ITLN1: variants seen among roughly 807,000 people sequenced by gnomAD.
The protein encoded by ITLN1 is intelectin-1.
A neutral mutation model predicts 36.2 loss-of-function variants in ITLN1; 29 were observed. That is an observed-to-expected ratio of 0.80 (90% CI 0.60 to 1.09). ITLN1 has a LOEUF of 1.09. ITLN1 is among the 50% of genes least tolerant of loss of function. The probability of loss-of-function intolerance (pLI) is 0.00; values close to 1 mark genes in which losing one functional copy is unlikely to be tolerated. For synonymous variants in ITLN1, 143 were observed against 146.5 expected, an observed-to-expected ratio of 0.98 and a Z score of 0.17; for missense variants, 358 against 405.2, an observed-to-expected ratio of 0.88 and a Z score of 1.00.
At position 160,880,587 on chromosome 1, in the gene ITLN1, C is replaced by T. The variant is rs138207380; in HGVS notation, c.685+1G>A. On this transcript the variant is annotated splice_donor_variant, in intron 6 of 7. Transcript: ENST00000326245. LOFTEE classifies it high-confidence loss of function. ...AGTTCAGAGGATCATTAAAGACTCA[C>T]GCTGGCCATAGGGTGAGTAATAAGA... The T allele has an allele frequency of 5.3e-5, 85 of 1,613,874 alleles. No homozygotes were observed. In the African/African-American group the frequency reaches 1.0e-3, roughly 19 times the overall value.
At chr1:160,881,444 A>C (rs973844993) in intron 4 of ITLN1, 132 bp from the exon 5 acceptor site, 4 of 998,990 alleles carry the variant, frequency 4.0e-6, no homozygotes, top group South Asian at 2.2e-5. Flanking sequence ...ATACTCAGAC[A>C]CCCCACTCCC....
chr1:160,881,644 A>C (rs1196115105), intron 4 of ITLN1: 1 of 512,406 alleles, frequency 2.0e-6, no homozygotes, highest in East Asian at 3.6e-5. Flanking sequence ...CCCCATCTCT[A>C]CTAAAAGTAC....
chr1:160,880,459 A>C, intron 6 of ITLN1, 129 bp downstream of exon 6: 1 of 894,696 alleles, frequency 1.1e-6, no homozygotes, highest in Non-Finnish European at 1.7e-6. Flanking sequence ...AGCCATGCAA[A>C]TCAAGTGGGG....
At chr1:160,879,505 A>G (rs941444986) in intron 6 of ITLN1, 91 bp from the exon 7 acceptor site, 2 of 947,136 alleles carry the variant, frequency 2.1e-6, no homozygotes, top group African/African-American at 3.2e-5. Context: ...GCCAAAGCTC[A>G]GGCTACAGCC....
In ITLN1 at chr1:160,879,176, G is replaced by C. The variant is rs1249217153; in HGVS notation, c.789+135C>G. 5.6e-6 allele frequency: 4 copies of C among 712,006 alleles called. No individual in the cohort carries two copies. In the African/African-American group the frequency reaches 7.0e-5, roughly 12 times the overall value. 44.1% of individuals were successfully genotyped at this position (712,006 alleles called of 1,614,324 possible). A position where few individuals can be genotyped will look rare whatever the true frequency, so the allele number is the denominator to read the frequency against. On this transcript the variant is annotated intron_variant, in intron 7 of 7. Coordinates refer to ENST00000326245, the MANE Select transcript of ITLN1 (RefSeq NM_017625.3). ...CCTGGCCCCTGAAGCTCAGCAATGAGCAAGAGAAGGTCACACTCCCACACA... is the reference window on the plus strand; with the variant it reads ...CCTGGCCCCTGAAGCTCAGCAATGACCAAGAGAAGGTCACACTCCCACACA...
chr1:160,876,927 G>A, intron 7 of ITLN1, 111 bp from the exon 8 acceptor site: 1 of 1,088,692 alleles, frequency 9.2e-7, no homozygotes, highest in East Asian at 2.4e-5. Context: ...ACTCTCCATT[G>A]ACAGTGTTGA....
At position 160,881,297 on chromosome 1, in the gene ITLN1, C is replaced by T. The variant is rs778173843; in HGVS notation, c.421G>A (p.Asp141Asn). 17 of 1,599,086 alleles carry T rather than the reference C, an allele frequency of 1.1e-5. No homozygotes were observed. In the Admixed American group the frequency reaches 1.5e-4, roughly 15 times the overall value. The change falls in exon 5 of 8, where the codon GAC (aspartate) becomes AAC (asparagine). Residue 141 changes from aspartate to asparagine, a missense_variant. Asp to Asn is a conservative substitution (Grantham distance 23, BLOSUM62 1). Transcript: ENST00000326245. ...SDDYKNPGYY[D>N]IQAKDLGIWH... ...ATGCCCAGGTCCTTGGCCTGGATGTCGTAGTAGCCAGGGTTCTGGAAAGCA... is the reference window on the plus strand; with the variant it reads ...ATGCCCAGGTCCTTGGCCTGGATGTTGTAGTAGCCAGGGTTCTGGAAAGCA...
At chr1:160,879,215 C>A in intron 7 of ITLN1, 96 bp downstream of exon 7, 2 of 881,520 alleles carry the variant, frequency 2.3e-6, no homozygotes, top group Non-Finnish European at 1.9e-6. Flanking sequence ...ACACACACAC[C>A]CCAGTCATAC....
chr1:160,884,842 C>T lies in ITLN1; in HGVS notation c.36G>A (p.Ala12=). ...CACCTGTACTCCATCCTCTGGTGGTCGCTATGAGAAACAGCAGGAAGCTGA... is the reference window on the plus strand; with the variant it reads ...CACCTGTACTCCATCCTCTGGTGGTTGCTATGAGAAACAGCAGGAAGCTGA... The part of the protein sequence containing the change: ...NQLSFLLFLI[A]TTRGWSTDEA... Residue 12 remains alanine (A), a synonymous_variant, in exon 2 of 8, where the codon GCG becomes GCA. Coordinates refer to ENST00000326245, the MANE Select transcript of ITLN1 (RefSeq NM_017625.3). The T allele has an allele frequency of 1.2e-6, 2 of 1,612,916 alleles. No individual in the cohort carries two copies. The highest frequency in any genetic ancestry group is 2.2e-5 in the East Asian group (1 of 44,878).
Position 160,882,104 on chromosome 1 carries a change from G to C in ITLN1, c.258C>G (p.His86Gln). ...GGGWTLVASV[H>Q]ENDMRGKCTV... ...TGCACTTCCCACGCATGTCATTCTC[G>C]TGCACGCTGGCCACCAGGGTCCAGC... Residue 86 changes from histidine (H) to glutamine (Q), a missense_variant, in exon 4 of 8, where the codon CAC (histidine) becomes CAG (glutamine). Transcript: ENST00000326245. 1.9e-5 allele frequency: 31 copies of C among 1,613,838 alleles called. No individual in the cohort carries two copies. The highest frequency in any genetic ancestry group is 2.5e-5 in the Non-Finnish European group (29 of 1,179,954).
chr1:160,879,226 C>T, intron 7 of ITLN1, 85 bp downstream of exon 7: 1 of 948,702 alleles, frequency 1.1e-6, no homozygotes, highest in Non-Finnish European at 1.7e-6. Flanking sequence ...CCAGTCATAC[C>T]ACACTCAACA....
At chr1:160,876,957 CCT>C in intron 7 of ITLN1, 141 bp from the exon 8 acceptor site, 2 of 888,574 alleles carry the variant, frequency 2.3e-6, no homozygotes, top group South Asian at 3.6e-5. Context: ...CCCATAAAAA[CCT>C]CTCTTCCTTG....
At chr1:160,883,763 C>T (rs554442977) in intron 2 of ITLN1, among the ~76,000 whole-genome samples, 1 of 152,326 alleles carries the variant, frequency 6.6e-6, no homozygotes, top group East Asian at 1.9e-4. Flanking sequence ...TAAAGTCTGC[C>T]TCCCGCCACA....
At chr1:160,879,025 C>T (rs1670637033) in intron 7 of ITLN1, among the ~76,000 whole-genome samples, 1 of 152,154 alleles carries the variant, frequency 6.6e-6, no homozygotes, top group East Asian at 1.9e-4. Context: ...CTCACCCCAG[C>T]TCCAAGCGAT....
intron 7 of ITLN1, among the ~76,000 whole-genome samples, chr1:160,878,098 G>A (rs1670619587): frequency 6.6e-6 from 1 of 152,064 alleles, no homozygotes. Flanking sequence ...AACCTGAGAG[G>A]CAGAAGTTGT....
chr1:160,878,714 A>G (rs1670632609), intron 7 of ITLN1, among the ~76,000 whole-genome samples: 1 of 93,706 alleles, frequency 1.1e-5, no homozygotes, highest in Non-Finnish European at 2.8e-5. Context: ...GAAAGAATGG[A>G]CTAATTACAA....
At chr1:160,880,490 G>A (rs4656957) in intron 6 of ITLN1, 98 bp downstream of exon 6, 872,305 of 1,278,420 alleles carry the variant, frequency 0.68, 298,794 homozygotes, top group Middle Eastern at 0.74. Context: ...AACATTACAG[G>A]AGAGAACCAA....
At position 160,876,576 on chromosome 1, in the gene ITLN1, T is replaced by G. The variant is rs1427549883; in HGVS notation, c.*88A>C. ...TGATTTATTGTTTTCTCTTCTGCCA[T>G]TAACATTCTAGCTACTGGGTAAGTT... On this transcript the variant is annotated 3_prime_UTR_variant, in exon 8 of 8. Coordinates refer to ENST00000326245, the MANE Select transcript of ITLN1 (RefSeq NM_017625.3). The G allele has an allele frequency of 7.5e-7, 1 of 1,331,822 alleles. No individual in the cohort carries two copies. The highest frequency in any genetic ancestry group is 2.0e-5 in the Admixed American group (1 of 51,110). 82.5% of individuals were successfully genotyped at this position (1,331,822 alleles called of 1,614,324 possible). A position where few individuals can be genotyped will look rare whatever the true frequency, so the allele number is the denominator to read the frequency against.
intron 4 of ITLN1, 127 bp downstream of exon 4, chr1:160,881,830 T>G: frequency 1.8e-6 from 2 of 1,127,666 alleles, no homozygotes; most frequent in Non-Finnish European, 2.5e-6. Context: ...AAAAAAGATA[T>G]AAGTATTTCT....
Sources: allele counts gnomAD v4.1 joint callset (sites outside exome capture counted in the v4.1 genomes callset), GRCh38; gene constraint gnomAD v4.1.1; transcripts MANE v1.5; gene names NCBI Gene and HGNC (gene_info 2026-07-23, HGNC 2026-07-21).